Variants in VPS39 observed in about 807,000 individuals in gnomAD.
VPS39 encodes vam6/Vps39-like protein.
Under a neutral mutation model 121.0 loss-of-function variants are expected in VPS39, and 70 were observed. That is an observed-to-expected ratio of 0.58 (90% CI 0.48 to 0.71). The LOEUF (loss-of-function observed/expected upper bound fraction) is 0.71, where lower values mean the gene tolerates loss of function less well. Among genes scored for constraint, VPS39 ranks in the 30% least tolerant of loss-of-function variants. The probability of loss-of-function intolerance (pLI) is 0.00; values close to 1 mark genes in which losing one functional copy is unlikely to be tolerated. For synonymous variants in VPS39, 378 were observed against 398.1 expected, an observed-to-expected ratio of 0.95 and a Z score of 0.60; for missense variants, 818 against 1,051.5, an observed-to-expected ratio of 0.78 and a Z score of 3.07.
chr15:42,191,784 G>C (rs1406841674), intron 2 of VPS39, among the ~76,000 whole-genome samples: 1 of 152,284 alleles, frequency 6.6e-6, no homozygotes, highest in East Asian at 1.9e-4. Context: ...CTCGGCATCA[G>C]CAGAAAGGAT....
chr15:42,196,099 C>G lies in VPS39; in HGVS notation c.139+3797G>C, dbSNP rs143713289. 6.7e-3 allele frequency among the ~76,000 whole-genome samples: 1,014 copies of G among 152,088 alleles called. 12 individuals carry two copies. The highest frequency in any genetic ancestry group is 8.9e-3 in the Non-Finnish European group (602 of 67,978). On this transcript the variant is annotated intron_variant, in intron 2 of 24. Transcript: ENST00000318006. Reference sequence around the variant, plus strand: ...GATTCCCTATTTAATAAATGGTGCTCGGAAAACTGGCTAGGCATATGTAGA... The same window carrying G: ...GATTCCCTATTTAATAAATGGTGCTGGGAAAACTGGCTAGGCATATGTAGA...
At chr15:42,185,821 C>CT (rs1297364934) in intron 7 of VPS39, among the ~76,000 whole-genome samples, 1 of 152,146 alleles carries the variant, frequency 6.6e-6, no homozygotes, top group East Asian at 1.9e-4. Flanking sequence ...TCACATAAAT[C>CT]TAAGCATTTG....
intron 10 of VPS39, among the ~76,000 whole-genome samples, chr15:42,174,482 A>T (rs1488001519): frequency 6.6e-6 from 1 of 152,206 alleles, no homozygotes; most frequent in Non-Finnish European, 1.5e-5. Flanking sequence ...ACTAAATGCA[A>T]TCTGATTTCT....
chr15:42,167,854 A>G (rs1425741585), intron 12 of VPS39, among the ~76,000 whole-genome samples: 1 of 152,236 alleles, frequency 6.6e-6, no homozygotes, highest in Non-Finnish European at 1.5e-5. Flanking sequence ...GGGGTAGGGC[A>G]GGATTCACAC....
chr15:42,191,923 C>A, intron 2 of VPS39: 3 of 949,946 alleles, frequency 3.2e-6, no homozygotes, highest in Non-Finnish European at 3.1e-6. Context: ...AGAGCCCAAG[C>A]CATGAAACCC....
rs765015000 is a variant in VPS39 at position 42,163,432 on chromosome 15, G to T, written c.2130-37C>A. On this transcript the variant is annotated intron_variant, in intron 20 of 24. Coordinates refer to ENST00000318006, the MANE Select transcript of VPS39 (RefSeq NM_015289.5). ...AGAGTGGTGAGAGCAGGTGGTGTGA[G>T]GGGGGCACATCTAAATGAGAGGCTG... The T allele has an allele frequency of 2.5e-6, 4 of 1,613,024 alleles. No homozygotes were observed. In the East Asian group the frequency reaches 6.7e-5, roughly 27 times the overall value.
chr15:42,160,991 T>C, intron 24 of VPS39, 162 bp from the exon 25 acceptor site: 1 of 656,778 alleles, frequency 1.5e-6, no homozygotes, highest in East Asian at 2.7e-5. Context: ...TGGATTTCTG[T>C]AGCCATCATC....
At chr15:42,184,209 T>A (rs1267950516) in intron 8 of VPS39, 3 of 198,850 alleles carry the variant, frequency 1.5e-5, no homozygotes, top group Non-Finnish European at 2.0e-5. Flanking sequence ...GAGGACACAA[T>A]CAAAACTCTT....
At position 42,199,900 on chromosome 15, in the gene VPS39, G is replaced by A. The variant is rs757200774; in HGVS notation, c.135C>T (p.Asp45=). 2.0e-5 allele frequency: 32 copies of A among 1,589,154 alleles called. No homozygotes were observed. The highest frequency in any genetic ancestry group is 4.7e-5 in the South Asian group (4 of 85,854). The change falls in exon 2 of 25, where the codon GAC becomes GAT. Residue 45 remains aspartate (D), a synonymous_variant. Coordinates refer to ENST00000318006, the MANE Select transcript of VPS39 (RefSeq NM_015289.5). The part of the protein sequence containing the change: ...GHLLLYRIRK[D]VGCNRFEVTL... ...GCATGAGCAATGTGCACTTACCAAC[G>A]TCCTTCCGAATCCTATAGAGAAGAA...
Position 42,167,486 on chromosome 15 carries a change from T to A in VPS39, c.1285A>T (p.Thr429Ser). The A allele has an allele frequency of 6.2e-7, 1 of 1,614,148 alleles. No individual in the cohort carries two copies. The highest frequency in any genetic ancestry group is 8.5e-7 in the Non-Finnish European group (1 of 1,180,024). The change falls in exon 13 of 25, where the codon ACC (threonine) becomes TCC (serine). Residue 429 changes from threonine (T) to serine (S), a missense_variant. Physicochemically the swap from Thr to Ser is moderately conservative, Grantham distance 58. Transcript: ENST00000318006. ...KLNDSDHQSSTSPLMEGTPTI... is the reference protein window; with the variant it reads ...KLNDSDHQSSSSPLMEGTPTI... The stretch of plus-strand genomic sequence containing the variant: ...GGAGTGCCTTCCATGAGCGGTGAGG[T>A]GCTTGACTGGTGATCAGAGTCATTC...
chr15:42,166,528 A>T (rs763936661), intron 15 of VPS39, 35 bp downstream of exon 15: 5 of 1,607,462 alleles, frequency 3.1e-6, no homozygotes, highest in Middle Eastern at 1.7e-4. Flanking sequence ...TTTGAACAGG[A>T]GCGCTTTCCC....
intron 1 of VPS39, among the ~76,000 whole-genome samples, chr15:42,205,069 C>A (rs1055511933): frequency 6.6e-6 from 1 of 152,058 alleles, no homozygotes; most frequent in African/African-American, 2.4e-5. Flanking sequence ...AAGCCTAATA[C>A]AGATTAGCAT....
At chr15:42,189,403 G>A (rs939297239) in intron 4 of VPS39, among the ~76,000 whole-genome samples, 195 bp from the exon 5 acceptor site, 3 of 152,098 alleles carry the variant, frequency 2.0e-5, no homozygotes, top group African/African-American at 7.2e-5. Flanking sequence ...GAGGTCACTT[G>A]GTCTTCTAAA....
At chr15:42,172,441 A>G (rs1566895191) in intron 11 of VPS39, among the ~76,000 whole-genome samples, 1 of 152,238 alleles carries the variant, frequency 6.6e-6, no homozygotes, top group Non-Finnish European at 1.5e-5. Context: ...AGAGATCTGA[A>G]GCAAGGACAG....
chr15:42,208,246 G>A lies in VPS39; in HGVS notation c.-93C>T, dbSNP rs1225297483. On this transcript the variant is annotated 5_prime_UTR_variant, in exon 1 of 25. Transcript: ENST00000318006. ...CGAGTCTGGGCTAAGGGTAGACCGG[G>A]ATCCGGCCAGGAACCCCCCGGCTAC... The A allele has an allele frequency of 2.7e-6, 4 of 1,489,106 alleles. No individual in the cohort carries two copies. The highest frequency in any genetic ancestry group is 1.4e-5 in the African/African-American group (1 of 71,580). The allele number at this position is 1,489,106 out of a possible 1,614,324, so 92.2% of individuals were successfully genotyped here.
intron 10 of VPS39, among the ~76,000 whole-genome samples, chr15:42,176,936 G>A (rs1280022524): frequency 6.6e-6 from 1 of 152,022 alleles, no homozygotes; most frequent in East Asian, 1.9e-4. Context: ...GCTGAGACAG[G>A]AGGATCACTT....
rs767836067 is a variant in VPS39 at position 42,162,135 on chromosome 15, A to G, written c.2357T>C (p.Ile786Thr). ...ALNLLPANTQ[I>T]NDIRIFLEKV... ...TTCCAGGAAGATGCGTATGTCATTG[A>G]TCTGAGTGTTTGCTGGCAGAAGGTT... Residue 786 changes from isoleucine to threonine, a missense_variant, in exon 23 of 25, where the codon ATC becomes ACC. By Grantham distance (89) the Ile-to-Thr change is moderately conservative (BLOSUM62 -1). Coordinates refer to ENST00000318006, the MANE Select transcript of VPS39 (RefSeq NM_015289.5). The G allele has an allele frequency of 6.2e-7, 1 of 1,614,160 alleles. No homozygotes were observed. The highest frequency in any genetic ancestry group is 1.1e-5 in the South Asian group (1 of 91,084).
chr15:42,200,032 G>A, intron 1 of VPS39, 71 bp from the exon 2 acceptor site: 1 of 1,406,438 alleles, frequency 7.1e-7, no homozygotes, highest in East Asian at 2.6e-5. Context: ...ATCAGCTTGA[G>A]TATAACCCTA....
At chr15:42,184,234 G>A (rs2049652761) in intron 8 of VPS39, 2 of 234,916 alleles carry the variant, frequency 8.5e-6, no homozygotes, top group Non-Finnish European at 1.6e-5. Context: ...AAAGGAGGAA[G>A]AAAAAAACTA....
Sources: gnomAD v4.1 joint callset for allele counts (sites outside exome capture counted in the v4.1 genomes callset) on GRCh38, gnomAD v4.1.1 for gene constraint, MANE v1.5 for transcripts, NCBI Gene and HGNC (gene_info 2026-07-23, HGNC 2026-07-21) for gene names.